OTOA: variants seen among roughly 807,000 people sequenced by gnomAD.
OTOA encodes otoancorin.
OTOA carries 70 observed loss-of-function variants against 110.8 expected under a neutral mutation model. The observed-to-expected ratio is 0.63, with a 90% CI of 0.52 to 0.77. The LOEUF (loss-of-function observed/expected upper bound fraction) is 0.77. OTOA is among the 30% of genes least tolerant of loss of function. The pLI, the probability that OTOA is intolerant of heterozygous loss-of-function variation, is 0.00. For missense variants in OTOA, 917 were observed against 1,075.8 expected (o/e 0.85, Z 2.06); for synonymous variants, 373 against 431.5 (o/e 0.86, Z 1.68).
chr16:21,730,802 G>A (rs1211483240), intron 20 of OTOA, 35 bp from the exon 21 acceptor site: 2 of 1,217,856 alleles, frequency 1.6e-6, no homozygotes, highest in South Asian at 1.3e-5. Flanking sequence ...ACCACAGCAT[G>A]TTTTTTCACT....
chr16:21,728,422 G>A lies in OTOA; in HGVS notation c.2198G>A (p.Gly733Glu). Reference sequence around the variant, plus strand: ...GCTGCAGTGAGGCTCAAGCTCCTGGGACAGTATGGGTGAGGAGCGGCTGGG... The same window carrying A: ...GCTGCAGTGAGGCTCAAGCTCCTGGAACAGTATGGGTGAGGAGCGGCTGGG... Reference protein sequence around the residue: ...QKAAVRLKLLGQYGLPQHWTA... With the variant: ...QKAAVRLKLLEQYGLPQHWTA... Residue 733 changes from glycine to glutamate, a missense_variant, in exon 20 of 29, where the codon GGA (glycine) becomes GAA (glutamate). Around this residue, in one of 6 missense-constraint regions of OTOA, gnomAD observed 840 missense variants for 910.2 expected, o/e 0.92. Transcript: ENST00000646100. The A allele has an allele frequency of 6.2e-7, 1 of 1,613,940 alleles. No individual in the cohort carries two copies. The highest frequency in any genetic ancestry group is 8.5e-7 in the Non-Finnish European group (1 of 1,179,950).
In OTOA at chr16:21,730,778, G is replaced by A; in HGVS notation, c.2208-59G>A. The A allele has an allele frequency of 4.3e-6, 4 of 933,206 alleles. No individual in the cohort carries two copies. In the South Asian group the frequency reaches 5.5e-5, roughly 13 times the overall value. The allele number at this position is 933,206 out of a possible 1,614,324, so 57.8% of individuals were successfully genotyped here. A position where few individuals can be genotyped will look rare whatever the true frequency, so the allele number is the denominator to read the frequency against. On this transcript the variant is annotated intron_variant, in intron 20 of 28. Transcript: ENST00000646100. ...GAAAGAAAAGGGTGCTGGGGGAAAA[G>A]GCAACAGATGTCCACCACAGCATGT... is the stretch of plus-strand genomic sequence containing the variant.
intron 24 of OTOA, among the ~76,000 whole-genome samples, chr16:21,751,569 G>A (rs1335078775): frequency 1.1e-5 from 1 of 92,864 alleles, no homozygotes; most frequent in African/African-American, 3.1e-5. Context: ...TGTGGAAAAA[G>A]ATGCTGGAAA....
At chr16:21,729,213 T>C (rs1053684625) in intron 20 of OTOA, among the ~76,000 whole-genome samples, 23 of 151,998 alleles carry the variant, frequency 1.5e-4, no homozygotes, top group Non-Finnish European at 1.5e-5. Context: ...TTTTGTATTT[T>C]TTTTTAAGGG....
chr16:21,678,095 A>G (rs1057228727), intron 1 of OTOA, among the ~76,000 whole-genome samples: 1 of 151,972 alleles, frequency 6.6e-6, no homozygotes, highest in Admixed American at 6.6e-5. Flanking sequence ...TATGTTGGCC[A>G]GGCTGGTCTC....
At chr16:21,723,051 C>A (rs1476838031) in intron 18 of OTOA, 73 bp downstream of exon 18, 9 of 1,496,338 alleles carry the variant, frequency 6.0e-6, no homozygotes, top group Non-Finnish European at 8.4e-6. Context: ...CAAAATGATT[C>A]TCTCCCCACT....
intron 20 of OTOA, chr16:21,729,744 T>C (rs1041092076): frequency 6.6e-6 from 1 of 152,216 alleles, no homozygotes; most frequent in Non-Finnish European, 1.5e-5. Flanking sequence ...TTTGGAATCA[T>C]ACAGTAGATA....
At chr16:21,721,986 G>A (rs1294548024) in intron 17 of OTOA, among the ~76,000 whole-genome samples, 1 of 151,692 alleles carries the variant, frequency 6.6e-6, no homozygotes, top group Non-Finnish European at 1.5e-5. Flanking sequence ...CACTTTAGGA[G>A]GCCGAGATGG....
At chr16:21,664,978 G>GAATGAATA (rs1555495194) in intron 1 of OTOA, among the ~76,000 whole-genome samples, 326 of 145,020 alleles carry the variant, frequency 2.2e-3, no homozygotes, top group African/African-American at 7.2e-3. Context: ...TCTCATGAAT[G>GAATGAATA]AATAAATAAA....
At chr16:21,698,006 ACCTTGGG>A (rs1301984095) in intron 10 of OTOA, 131 bp downstream of exon 10, 2 of 758,888 alleles carry the variant, frequency 2.6e-6, no homozygotes, top group African/African-American at 3.5e-5. Context: ...AGCCCAATAG[ACCTTGGG>A]CCTCTGAAGA....
intron 1 of OTOA, among the ~76,000 whole-genome samples, chr16:21,675,083 TTC>T (rs771988056): frequency 1.5e-4 from 17 of 112,046 alleles, no homozygotes; most frequent in African/African-American, 3.9e-4. Context: ...CTTTCTTTCT[TTC>T]TTTCTTTCTT....
At chr16:21,757,668 G>A (rs1900039820) in intron 28 of OTOA, among the ~76,000 whole-genome samples, 1 of 151,362 alleles carries the variant, frequency 6.6e-6, no homozygotes, top group Admixed American at 6.6e-5. Flanking sequence ...GCCCAGGCTG[G>A]AGTGCAGTGC....
chr16:21,726,449 AGGCG>A (rs1898918877), intron 18 of OTOA, 70 bp from the exon 19 acceptor site: 3 of 1,582,926 alleles, frequency 1.9e-6, no homozygotes, highest in African/African-American at 2.7e-5. Flanking sequence ...GCTCTTGGGC[AGGCG>A]GACCCTGATT....
intron 7 of OTOA, 51 bp downstream of exon 7, chr16:21,685,412 T>G (rs1433306257): frequency 2.5e-6 from 4 of 1,599,814 alleles, no homozygotes; most frequent in Non-Finnish European, 3.4e-6. Context: ...CACCACGTGG[T>G]GTTTGTTGAA....
intron 20 of OTOA, 102 bp downstream of exon 20, chr16:21,728,533 A>C (rs1899004446): frequency 7.5e-7 from 1 of 1,332,058 alleles, no homozygotes; most frequent in Non-Finnish European, 1.0e-6. Flanking sequence ...CTGGCTTAGG[A>C]TGAGATAAAA....
rs778206776 is a variant in OTOA, at chr16:21,728,412, A to C, written c.2188A>C (p.Lys730Gln). 2 of 1,613,868 alleles carry C rather than the reference A, an allele frequency of 1.2e-6. No homozygotes were observed. Among genetic ancestry groups the C allele is most frequent in the African/African-American group, 2.7e-5 (2 of 74,906 alleles). Residue 730 changes from lysine to glutamine, a missense_variant, in exon 20 of 29, where the codon AAG (lysine) becomes CAG (glutamine). This residue lies in a region of OTOA where 840 missense variants were observed against 910.2 expected (regional missense o/e 0.92). Transcript: ENST00000646100. ...NPEQKAAVRL[K>Q]LLGQYGLPQH... is the part of the protein sequence containing the mutation. ...TGAGCAAAAGGCTGCAGTGAGGCTCAAGCTCCTGGGACAGTATGGGTGAGG... is the reference window on the plus strand; with the variant it reads ...TGAGCAAAAGGCTGCAGTGAGGCTCCAGCTCCTGGGACAGTATGGGTGAGG...
intron 1 of OTOA, among the ~76,000 whole-genome samples, chr16:21,670,125 C>CAAACA (rs373275138): frequency 0.017 from 2,630 of 151,768 alleles, 79 homozygotes; most frequent in African/African-American, 0.06. Context: ...GACACCATCT[C>CAAACA]AAACAAAACA....
At chr16:21,696,034 A>G (rs1897933517) in intron 9 of OTOA, among the ~76,000 whole-genome samples, 1 of 150,500 alleles carries the variant, frequency 6.6e-6, no homozygotes, top group Non-Finnish European at 1.5e-5. Flanking sequence ...AGCTGGGACT[A>G]CAGGCGTGCG....
At chr16:21,758,636 A>C (rs1022572278) in intron 28 of OTOA, among the ~76,000 whole-genome samples, 2 of 149,692 alleles carry the variant, frequency 1.3e-5, no homozygotes, top group African/African-American at 4.9e-5. Flanking sequence ...TTCTACAGCC[A>C]CAAGTGGCCA....
Sources: allele counts gnomAD v4.1 joint callset (sites outside exome capture counted in the v4.1 genomes callset), GRCh38; gene constraint gnomAD v4.1.1; regional missense constraint gnomAD v4.1.1; transcripts MANE v1.5; gene names NCBI Gene and HGNC (gene_info 2026-07-23, HGNC 2026-07-21).